Variants in VPS13C observed in about 807,000 individuals in gnomAD.
The protein encoded by VPS13C is vacuolar protein sorting 13 homolog C.
Under a neutral mutation model 456.8 loss-of-function variants are expected in VPS13C, and 358 were observed. The ratio of observed to expected loss-of-function variants is 0.78; its 90% CI spans 0.72 to 0.86. The LOEUF (loss-of-function observed/expected upper bound fraction) is 0.86. Ranked by LOEUF, VPS13C falls within the 40% of genes least tolerant of loss-of-function variation. VPS13C has a pLI of 0.00. For missense variants in VPS13C, 4,818 were observed against 4,385.4 expected, an observed-to-expected ratio of 1.10 and a Z score of -2.79; for synonymous variants, 1,578 against 1,486.7, an observed-to-expected ratio of 1.06 and a Z score of -1.41.
At chr15:62,004,235 T>C (rs1231429166) in intron 15 of VPS13C, among the ~76,000 whole-genome samples, 1 of 151,574 alleles carries the variant, frequency 6.6e-6, no homozygotes, top group African/African-American at 2.4e-5. Flanking sequence ...AACTTCTTCC[T>C]GGTTTAGTCT....
Position 62,010,465 on chromosome 15 carries a change from A to C in VPS13C, c.1011+7T>G. The C allele has an allele frequency of 6.3e-7, 1 of 1,593,230 alleles. No individual in the cohort carries two copies. The highest frequency in any genetic ancestry group is 8.5e-7 in the Non-Finnish European group (1 of 1,171,192). On this transcript the variant is annotated splice_region_variant and intron_variant, in intron 13 of 84. Coordinates refer to ENST00000644861, the MANE Select transcript of VPS13C (RefSeq NM_020821.3). ...ATCAAAGCTGGAAATATCCACATGA[A>C]TCATACCTGAGGTTTGGTCAGTTCA...
At chr15:61,982,236 T>C (rs1206228379) in intron 21 of VPS13C, among the ~76,000 whole-genome samples, 1 of 152,194 alleles carries the variant, frequency 6.6e-6, no homozygotes, top group Non-Finnish European at 1.5e-5. Flanking sequence ...TTCTTAACTG[T>C]AATGGCAGGA....
intron 66 of VPS13C, among the ~76,000 whole-genome samples, chr15:61,897,029 G>A (rs1341731884): frequency 6.6e-6 from 1 of 152,034 alleles, no homozygotes; most frequent in Non-Finnish European, 1.5e-5. Flanking sequence ...CAACAGACCT[G>A]CAGCTGAGGG....
chr15:61,955,669 C>G (rs933150475), intron 37 of VPS13C, among the ~76,000 whole-genome samples: 1 of 151,910 alleles, frequency 6.6e-6, no homozygotes, highest in East Asian at 1.9e-4. Context: ...CCAGAATAGG[C>G]AAAGATTTTT....
Position 61,964,783 on chromosome 15 carries a change from G to A in VPS13C, c.3130C>T (p.Pro1044Ser). The change falls in exon 31 of 85, where the codon CCA (proline) becomes TCA (serine). Residue 1044 changes from proline to serine, a missense_variant. Pro to Ser is a moderately conservative substitution (Grantham distance 74, BLOSUM62 -1). Around this residue, in one of 3 missense-constraint regions of VPS13C, gnomAD observed 4,552 missense variants for 4,130.6 expected, o/e 1.10. Transcript: ENST00000644861. ...ACACTTATGCTTTGATCATCAGATG[G>A]AATAATGGTTGTGAGGTAATTAATA... ...ASINYLTTII[P>S]SDDQSISVAK... 8.1e-6 allele frequency: 13 copies of A among 1,612,694 alleles called. No individual in the cohort carries two copies. Among genetic ancestry groups the A allele is most frequent in the Non-Finnish European group, 1.1e-5 (13 of 1,179,078 alleles).
intron 82 of VPS13C, among the ~76,000 whole-genome samples, chr15:61,860,387 A>G (rs958781043): frequency 2.0e-5 from 3 of 152,072 alleles, no homozygotes; most frequent in Non-Finnish European, 4.4e-5. Context: ...AGTGGTATGT[A>G]AAAAAACTGA....
At chr15:62,017,257 T>A (rs538427756) in intron 9 of VPS13C, among the ~76,000 whole-genome samples, 21 of 152,340 alleles carry the variant, frequency 1.4e-4, no homozygotes, top group African/African-American at 5.1e-4. Context: ...CTGATGATAG[T>A]TTCTTTTGCT....
intron 6 of VPS13C, among the ~76,000 whole-genome samples, chr15:62,025,212 T>C (rs1053799476): frequency 3.9e-5 from 6 of 152,104 alleles, no homozygotes; most frequent in African/African-American, 1.4e-4. Flanking sequence ...AAATGGAGCT[T>C]GAAATTTTTA....
At chr15:61,931,464 G>C (rs1046194479) in intron 49 of VPS13C, among the ~76,000 whole-genome samples, 1 of 151,564 alleles carries the variant, frequency 6.6e-6, no homozygotes, top group Non-Finnish European at 1.5e-5. Context: ...ATATATGTGT[G>C]AATATCCAAC....
intron 73 of VPS13C, among the ~76,000 whole-genome samples, 187 bp downstream of exon 73, chr15:61,880,422 G>A (rs1220439160): frequency 6.6e-6 from 1 of 152,082 alleles, no homozygotes; most frequent in Non-Finnish European, 1.5e-5. Flanking sequence ...ACATGCTCTG[G>A]TGGTTTCTCT....
At position 61,911,927 on chromosome 15, in the gene VPS13C, G is replaced by A; in HGVS notation, c.8628C>T (p.Asn2876=). The A allele has an allele frequency of 6.2e-7, 1 of 1,612,898 alleles. No individual in the cohort carries two copies. Residue 2876 remains asparagine (N), a synonymous_variant, in exon 63 of 85, where the codon AAC becomes AAT. Transcript: ENST00000644861. ...VTLTPFCTIA[N]KSSLELEVGE... ...CAACTTCTAGTTCTAATGATGACTT[G>A]TTTGCAATGGTACAAAAGGGAGTCA...
chr15:61,982,489 G>T lies in VPS13C; in HGVS notation c.1999C>A (p.Leu667Met). 6.2e-7 allele frequency: 1 copy of T among 1,607,830 alleles called. No homozygotes were observed. The change falls in exon 21 of 85, where the codon CTG (leucine) becomes ATG (methionine). Residue 667 changes from leucine to methionine, a missense_variant. By Grantham distance (15) the Leu-to-Met change is conservative. Transcript: ENST00000644861. ...GCTGTTCTCTCCTTAATTTCTTCCA[G>T]CTTCATCAATGTTGCTGATGTTATT... ...EQITSATLMK[L>M]EEIKERTATG...
chr15:62,033,312 T>G, intron 5 of VPS13C, 129 bp downstream of exon 5: 17 of 489,544 alleles, frequency 3.5e-5, no homozygotes, highest in South Asian at 7.7e-5. Context: ...AGCAATATTT[T>G]GAGATTAAAA....
At chr15:61,934,138 C>T in intron 49 of VPS13C, 81 bp downstream of exon 49, 2 of 853,782 alleles carry the variant, frequency 2.3e-6, no homozygotes, top group Non-Finnish European at 3.4e-6. Flanking sequence ...TGAAAAGTCC[C>T]ACACAAAAAA....
chr15:61,856,433 A>G, intron 82 of VPS13C, 24 bp from the exon 83 acceptor site: 1 of 1,609,882 alleles, frequency 6.2e-7, no homozygotes, highest in South Asian at 1.1e-5. Context: ...GAAAACAAAA[A>G]CTTACAGTAA....
At position 61,978,618 on chromosome 15, in the gene VPS13C, C is replaced by T. The variant is rs893237087; in HGVS notation, c.2290+8G>A. On this transcript the variant is annotated splice_region_variant and intron_variant, in intron 23 of 84. Transcript: ENST00000644861. ...TCCCAAGATCCTAAAAGCTGAATAA[C>T]GGTTTACCTGCTCTTGCAAAAAGTA... 3.1e-6 allele frequency: 5 copies of T among 1,609,306 alleles called. No homozygotes were observed. The highest frequency in any genetic ancestry group is 1.7e-5 in the Admixed American group (1 of 59,458).
At chr15:62,048,147 C>T (rs1315134528) in intron 1 of VPS13C, among the ~76,000 whole-genome samples, 1 of 149,202 alleles carries the variant, frequency 6.7e-6, no homozygotes, top group African/African-American at 2.5e-5. Context: ...GGTACATGTG[C>T]ACAATGTGCA....
chr15:61,873,543 A>G (rs1394217801), intron 77 of VPS13C, 134 bp from the exon 78 acceptor site: 21 of 822,292 alleles, frequency 2.6e-5, no homozygotes, highest in Non-Finnish European at 5.5e-6. Flanking sequence ...GAGACATACA[A>G]ATGGCCAACA....
At chr15:62,014,427 C>T (rs1412248272) in intron 9 of VPS13C, among the ~76,000 whole-genome samples, 1 of 152,058 alleles carries the variant, frequency 6.6e-6, no homozygotes, top group Non-Finnish European at 1.5e-5. Context: ...AAACACTAAA[C>T]TTATTTAGCA....
Sources: allele counts gnomAD v4.1 joint callset (sites outside exome capture counted in the v4.1 genomes callset), GRCh38; gene constraint gnomAD v4.1.1; regional missense constraint gnomAD v4.1.1; transcripts MANE v1.5; gene names NCBI Gene and HGNC (gene_info 2026-07-23, HGNC 2026-07-21).